Variants in SCAF8 observed in about 807,000 individuals in gnomAD.
SCAF8 encodes the protein SR-related and CTD-associated factor 8.
SCAF8 carries 23 observed loss-of-function variants against 140.5 expected under a neutral mutation model. The observed-to-expected ratio is 0.16, with a 90% confidence interval of 0.12 to 0.23. The LOEUF is 0.23. SCAF8 is among the 10% of genes least tolerant of loss of function. SCAF8 has a pLI of 1.00. For synonymous variants in SCAF8, 575 were observed against 528.9 expected (o/e 1.09, Z -1.20); for missense variants, 1,397 against 1,555.7 (o/e 0.90, Z 1.72).
At position 154,833,724 on chromosome 6, in the gene SCAF8, G is replaced by C. The variant is rs1778820468; in HGVS notation, c.*329G>C. The C allele has an allele frequency of 4.6e-6, 1 of 217,912 alleles. No individual in the cohort carries two copies. Among genetic ancestry groups the C allele is most frequent in the Admixed American group, 5.3e-5 (1 of 18,986 alleles). The allele number at this position is 217,912 out of a possible 1,614,324, so 13.5% of individuals were successfully genotyped here. On this transcript the variant is annotated 3_prime_UTR_variant, in exon 20 of 20. Transcript: ENST00000367178. ...TTTTTTAGATACTATCATTAGGTTG[G>C]ATATGGTAATAGATATATTTCAGAA...
intron 6 of SCAF8, among the ~76,000 whole-genome samples, chr6:154,797,990 CT>C (rs1372559541): frequency 6.6e-6 from 1 of 151,288 alleles, no homozygotes; most frequent in Non-Finnish European, 1.5e-5. Flanking sequence ...AGTTTGGTGT[CT>C]GAAGTCCAGT....
At chr6:154,745,140 G>C (rs946874285) in intron 1 of SCAF8, among the ~76,000 whole-genome samples, 2 of 152,266 alleles carry the variant, frequency 1.3e-5, no homozygotes, top group East Asian at 1.9e-4. Context: ...CCCTTAATGT[G>C]AATCAATTGG....
intron 4 of SCAF8, among the ~76,000 whole-genome samples, chr6:154,791,270 A>T (rs548861220): frequency 6.6e-6 from 1 of 152,226 alleles, no homozygotes; most frequent in African/African-American, 2.4e-5. Flanking sequence ...TAATTATGTT[A>T]CTAGATTTCA....
Position 154,787,091 on chromosome 6 carries a change from G to A in SCAF8, c.160-770G>A, listed in dbSNP as rs114216296. The stretch of plus-strand genomic sequence containing the variant: ...TAGGGGAGGCAGGGCACGGTGGCTC[G>A]TGCCTGTATTTCCAGCACTTTGGGA... On this transcript the variant is annotated intron_variant, in intron 3 of 19. Transcript: ENST00000367178. Among the ~76,000 whole-genome samples, 297 of 152,328 alleles carry A rather than the reference G, an allele frequency of 1.9e-3. 1 individual carries two copies. Among genetic ancestry groups the A allele is most frequent in the African/African-American group, 6.7e-3 (277 of 41,582 alleles).
chr6:154,813,756 C>T (rs1377131966), intron 12 of SCAF8, among the ~76,000 whole-genome samples: 1 of 152,086 alleles, frequency 6.6e-6, no homozygotes. Context: ...AGTTTAATTA[C>T]ACGGGTACAT....
rs775482832 is a variant in SCAF8, at chr6:154,832,426, A to C, written c.2847A>C (p.Gln949His). ...TAATACAGCCTGGAATTCCACCCCA[A>C]CGGGGAATCCCACCCCCATCGGTAC... ...FPLIQPGIPPQRGIPPPSVLD... is the reference protein window; with the variant it reads ...FPLIQPGIPPHRGIPPPSVLD... The change falls in exon 20 of 20, where the codon CAA becomes CAC. Residue 949 changes from glutamine to histidine, a missense_variant. By Grantham distance (24) the Gln-to-His change is conservative. Transcript: ENST00000367178. The C allele has an allele frequency of 6.2e-7, 1 of 1,613,920 alleles. No individual in the cohort carries two copies. The highest frequency in any genetic ancestry group is 1.3e-5 in the African/African-American group (1 of 74,866).
intron 1 of SCAF8, among the ~76,000 whole-genome samples, chr6:154,763,505 G>C (rs1479947292): frequency 1.3e-5 from 2 of 152,186 alleles, no homozygotes; most frequent in African/African-American, 4.8e-5. Context: ...TCTCTGGGAT[G>C]TAACTCATAA....
chr6:154,741,749 A>C (rs1433736321), intron 1 of SCAF8, among the ~76,000 whole-genome samples: 1 of 152,136 alleles, frequency 6.6e-6, no homozygotes, highest in Non-Finnish European at 1.5e-5. Context: ...GCTTAGAATT[A>C]GTGATAGTAT....
intron 1 of SCAF8, among the ~76,000 whole-genome samples, chr6:154,764,818 G>T (rs1385470233): frequency 6.6e-6 from 1 of 152,136 alleles, no homozygotes; most frequent in African/African-American, 2.4e-5. Context: ...GTTTTTCAGC[G>T]TAAAACCATG....
At chr6:154,822,572 T>C (rs1182807885) in intron 16 of SCAF8, among the ~76,000 whole-genome samples, 163 bp downstream of exon 16, 1 of 152,190 alleles carries the variant, frequency 6.6e-6, no homozygotes. Flanking sequence ...AAAAAAAGTC[T>C]GCTAATGCTG....
rs1367925226 is a variant in SCAF8, at chr6:154,808,203, TAAA to T, written c.1113+4_1113+6del. 1 of 1,611,196 alleles carries T rather than the reference TAAA, an allele frequency of 6.2e-7. No individual in the cohort carries two copies. The highest frequency in any genetic ancestry group is 8.5e-7 in the Non-Finnish European group (1 of 1,178,942). On this transcript the variant is annotated splice_donor_5th_base_variant and intron_variant, in intron 10 of 19. Coordinates refer to ENST00000367178, the MANE Select transcript of SCAF8 (RefSeq NM_014892.5). The stretch of plus-strand genomic sequence containing the variant: ...GATTCCATAGATATTCAGCAACAGG[TAAA>T]AGTAAATGTTTTTCTGGGTCATAAA...
intron 11 of SCAF8, 35 bp downstream of exon 11, chr6:154,808,833 A>G (rs1374724822): frequency 7.3e-7 from 1 of 1,374,376 alleles, no homozygotes; most frequent in Non-Finnish European, 1.0e-6. Context: ...GCCGTGTGTG[A>G]ACTTTAAAAT....
At chr6:154,789,491 T>C (rs1777349782) in intron 4 of SCAF8, among the ~76,000 whole-genome samples, 1 of 152,174 alleles carries the variant, frequency 6.6e-6, no homozygotes. Flanking sequence ...TGATTTTTGT[T>C]TTTAATTACC....
At chr6:154,737,152 AAG>A (rs1332365339) in intron 1 of SCAF8, among the ~76,000 whole-genome samples, 5 of 152,212 alleles carry the variant, frequency 3.3e-5, no homozygotes, top group African/African-American at 4.8e-5. Context: ...AAAAATTAAA[AAG>A]GAATTCTAGT....
At chr6:154,750,829 A>T (rs1778819172) in intron 1 of SCAF8, among the ~76,000 whole-genome samples, 3 of 152,230 alleles carry the variant, frequency 2.0e-5, no homozygotes, top group Non-Finnish European at 2.9e-5. Context: ...TCCAACTAAT[A>T]CAATTCTGGT....
intron 1 of SCAF8, among the ~76,000 whole-genome samples, chr6:154,756,856 C>G (rs913907107): frequency 6.6e-6 from 1 of 151,994 alleles, no homozygotes; most frequent in Non-Finnish European, 1.5e-5. Context: ...TAACGAAACC[C>G]GTCTCTACAA....
intron 13 of SCAF8, 107 bp downstream of exon 13, chr6:154,815,923 T>C (rs1218820599): frequency 1.8e-6 from 1 of 566,634 alleles, no homozygotes; most frequent in Non-Finnish European, 3.2e-6. Context: ...CCTTAAATAA[T>C]ACACATCTTT....
intron 1 of SCAF8, among the ~76,000 whole-genome samples, chr6:154,766,751 C>A (rs1776583875): frequency 7.2e-6 from 1 of 139,292 alleles, no homozygotes; most frequent in South Asian, 2.4e-4. Context: ...TCATGTGCAA[C>A]ATCTGGACAC....
intron 9 of SCAF8, among the ~76,000 whole-genome samples, chr6:154,806,762 CT>C (rs1032634626): frequency 6.6e-6 from 1 of 151,834 alleles, no homozygotes; most frequent in Non-Finnish European, 1.5e-5. Context: ...AATTTCATAC[CT>C]TTTTTTTGAA....
Sources: allele counts gnomAD v4.1 joint callset (sites outside exome capture counted in the v4.1 genomes callset), GRCh38; gene constraint gnomAD v4.1.1; transcripts MANE v1.5; gene names NCBI Gene and HGNC (gene_info 2026-07-23, HGNC 2026-07-21).